Variants in DCDC2 observed in about 807,000 individuals in gnomAD.
The protein encoded by DCDC2 is doublecortin domain containing 2.
A neutral mutation model predicts 50.2 loss-of-function variants in DCDC2; 40 were observed. The observed-to-expected ratio is 0.80, with a 90% CI of 0.62 to 1.04. DCDC2 has a LOEUF of 1.04. Ranked by LOEUF, DCDC2 falls within the 50% of genes least tolerant of loss-of-function variation. The pLI is 0.00. For missense variants in DCDC2, 570 were observed against 581.9 expected, an observed-to-expected ratio of 0.98 and a Z score of 0.21; for synonymous variants, 234 against 210.6, an observed-to-expected ratio of 1.11 and a Z score of -0.96.
chr6:24,356,438 C>T (rs1450200156), intron 1 of DCDC2, among the ~76,000 whole-genome samples: 1 of 151,804 alleles, frequency 6.6e-6, no homozygotes, highest in South Asian at 2.1e-4. Flanking sequence ...AATGTTTTGG[C>T]GGGAGGGGTG....
chr6:24,334,130 T>C (rs1388137571), intron 2 of DCDC2, among the ~76,000 whole-genome samples: 2 of 152,252 alleles, frequency 1.3e-5, no homozygotes, highest in African/African-American at 2.4e-5. Flanking sequence ...AATAATTCCA[T>C]AGTCCCTGAT....
At chr6:24,191,022 G>A (rs1761302395) in intron 8 of DCDC2, among the ~76,000 whole-genome samples, 1 of 152,172 alleles carries the variant, frequency 6.6e-6, no homozygotes, top group South Asian at 2.1e-4. Flanking sequence ...AACGGATCAT[G>A]TCTCTGAGGG....
chr6:24,258,970 A>G (rs1190252765), intron 7 of DCDC2, among the ~76,000 whole-genome samples: 3 of 152,142 alleles, frequency 2.0e-5, no homozygotes, highest in African/African-American at 4.8e-5. Context: ...AAAGGCTGCA[A>G]TCTCCTTGGT....
At chr6:24,361,704 G>T (rs188962252), upstream of DCDC2, among the ~76,000 whole-genome samples, 2 of 152,134 alleles carry the variant, frequency 1.3e-5, no homozygotes, top group African/African-American at 4.8e-5. Flanking sequence ...TGAAAATGTG[G>T]CCTCTTATTC....
At chr6:24,254,705 G>T (rs749507303) in intron 7 of DCDC2, among the ~76,000 whole-genome samples, 1 of 151,940 alleles carries the variant, frequency 6.6e-6, no homozygotes. Flanking sequence ...AAACCATCAC[G>T]TAACAAAAAC....
intron 7 of DCDC2, among the ~76,000 whole-genome samples, chr6:24,247,220 G>C (rs1252351738): frequency 6.6e-6 from 1 of 152,106 alleles, no homozygotes; most frequent in East Asian, 1.9e-4. Context: ...TAGCGGTTAA[G>C]GTAGTTTGAT....
intron 8 of DCDC2, among the ~76,000 whole-genome samples, chr6:24,185,663 C>T (rs11965772): frequency 0.48 from 71,883 of 149,070 alleles, 17,926 homozygotes; most frequent in African/African-American, 0.63. Flanking sequence ...GAAGGAACAC[C>T]GGGTTTTACA....
At chr6:24,220,769 G>C (rs1199296017) in intron 7 of DCDC2, among the ~76,000 whole-genome samples, 4 of 147,002 alleles carry the variant, frequency 2.7e-5, no homozygotes, top group Non-Finnish European at 6.0e-5. Context: ...TTACTCAGAG[G>C]TCTGCACAGC....
chr6:24,363,222 G>A, the DCDC2 span, among the ~76,000 whole-genome samples: 2 of 152,170 alleles, frequency 1.3e-5, no homozygotes, highest in East Asian at 1.9e-4. Context: ...AGCAGGGCAC[G>A]GTGGCTCAAG....
chr6:24,293,880 C>T (rs1421258894), intron 4 of DCDC2, among the ~76,000 whole-genome samples: 1 of 152,162 alleles, frequency 6.6e-6, no homozygotes, highest in African/African-American at 2.4e-5. Flanking sequence ...TTAAAAATTG[C>T]TCAAAACCAT....
chr6:24,312,623 T>C (rs1759593742), intron 2 of DCDC2, among the ~76,000 whole-genome samples: 1 of 152,166 alleles, frequency 6.6e-6, no homozygotes, highest in Admixed American at 6.5e-5. Context: ...TTGGTCCCCA[T>C]GTTGCTGTAC....
the DCDC2 span, among the ~76,000 whole-genome samples, chr6:24,364,940 A>T: frequency 6.6e-6 from 1 of 152,182 alleles, no homozygotes; most frequent in African/African-American, 2.4e-5. Context: ...GTTTTTCCTT[A>T]AAAAGTGTCA....
At chr6:24,193,166 A>G (rs561417928) in intron 8 of DCDC2, among the ~76,000 whole-genome samples, 332 of 149,698 alleles carry the variant, frequency 2.2e-3, no homozygotes, top group African/African-American at 6.3e-3. Context: ...TTGATTAGAG[A>G]AAAAAAAAAG....
the DCDC2 span, among the ~76,000 whole-genome samples, chr6:24,381,208 C>A: frequency 6.6e-6 from 1 of 152,140 alleles, no homozygotes; most frequent in Non-Finnish European, 1.5e-5. Context: ...TAGCACATCT[C>A]TCATTTCACA....
the DCDC2 span, among the ~76,000 whole-genome samples, chr6:24,375,426 C>T: frequency 4.5e-4 from 68 of 152,122 alleles, no homozygotes; most frequent in Middle Eastern, 3.4e-3. Context: ...AACTCCCCCC[C>T]CCAACCCCGC....
intron 6 of DCDC2, among the ~76,000 whole-genome samples, chr6:24,279,516 G>C (rs941192277): frequency 1.5e-4 from 23 of 152,188 alleles, no homozygotes; most frequent in Non-Finnish European, 2.4e-4. Flanking sequence ...ATGAGTTTGA[G>C]ATTGCAGTGT....
intron 7 of DCDC2, among the ~76,000 whole-genome samples, chr6:24,276,936 A>C (rs1429209696): frequency 1.3e-5 from 2 of 151,760 alleles, no homozygotes; most frequent in African/African-American, 4.8e-5. Flanking sequence ...CCTGACTTCC[A>C]GCTAGTCTCG....
intron 7 of DCDC2, among the ~76,000 whole-genome samples, chr6:24,224,632 C>G (rs1260445696): frequency 1.3e-5 from 2 of 152,156 alleles, no homozygotes. Flanking sequence ...AGCCCCCTCT[C>G]AGGAATGTTG....
intron 7 of DCDC2, 89 bp from the exon 8 acceptor site, chr6:24,205,191 A>T: frequency 6.2e-7 from 1 of 1,613,960 alleles, no homozygotes; most frequent in Non-Finnish European, 8.5e-7. Context: ...GCTTATTTTT[A>T]ATAGACATTT....
Sources: gnomAD v4.1 joint callset for allele counts (sites outside exome capture counted in the v4.1 genomes callset) on GRCh38, gnomAD v4.1.1 for gene constraint, MANE v1.5 for transcripts, NCBI Gene and HGNC (gene_info 2026-07-23, HGNC 2026-07-21) for gene names.